PPME1: variants seen among roughly 807,000 people sequenced by gnomAD.
PPME1 encodes testicular secretory protein Li 39.
PPME1 carries 17 observed loss-of-function variants against 56.9 expected under a neutral mutation model. That is an observed-to-expected ratio of 0.30 (90% confidence interval 0.20 to 0.45). The LOEUF (loss-of-function observed/expected upper bound fraction) is 0.45. Among genes scored for constraint, PPME1 ranks in the 20% least tolerant of loss-of-function variants. PPME1 has a pLI of 1.00. For missense variants in PPME1, 357 were observed against 483.2 expected (o/e 0.74, Z 2.45); for synonymous variants, 122 against 156.2 (o/e 0.78, Z 1.63).
intron 2 of PPME1, 27 bp downstream of exon 2, chr11:74,203,848 T>G (rs772149163): frequency 6.7e-7 from 1 of 1,488,792 alleles, no homozygotes; most frequent in African/African-American, 1.4e-5. Context: ...GGCTTATTCT[T>G]TAGTGAGCTT....
intron 1 of PPME1, among the ~76,000 whole-genome samples, chr11:74,185,302 G>A (rs549838961): frequency 2.0e-5 from 3 of 152,182 alleles, no homozygotes; most frequent in African/African-American, 7.2e-5. Context: ...CTGGTCTGAA[G>A]TATGTCTTTT....
intron 3 of PPME1, among the ~76,000 whole-genome samples, chr11:74,217,401 AC>A (rs1257769651): frequency 6.6e-6 from 1 of 151,758 alleles, no homozygotes; most frequent in African/African-American, 2.4e-5. Context: ...AATTAGCCAG[AC>A]ATGGTGGCGC....
At chr11:74,244,038 T>C (rs1049259281) in intron 9 of PPME1, among the ~76,000 whole-genome samples, 1 of 152,230 alleles carries the variant, frequency 6.6e-6, no homozygotes, top group African/African-American at 2.4e-5. Flanking sequence ...TATATGTCTT[T>C]TTGTGACTGG....
Position 74,230,138 on chromosome 11 carries a change from AC to A in PPME1, c.399-106del. ...TTGTAAGATGGCCCAATAGACTTTT[AC>A]AGTTTCCCAGCACTGTTACACACCA... is the stretch of plus-strand genomic sequence containing the variant. On this transcript the variant is annotated intron_variant, in intron 5 of 13. Transcript: ENST00000328257. This position sits in a 1 kb window ranked among gnomAD's most constrained non-coding sequence, Gnocchi z 4.9. 1 of 1,247,140 alleles carries A rather than the reference AC, an allele frequency of 8.0e-7. No individual in the cohort carries two copies. The highest frequency in any genetic ancestry group is 1.5e-5 in the South Asian group (1 of 66,424). The allele number at this position is 1,247,140 out of a possible 1,614,324, so 77.3% of individuals were successfully genotyped here. A position where few individuals can be genotyped will look rare whatever the true frequency, so the allele number is the denominator to read the frequency against.
At chr11:74,192,732 G>A (rs1351726942) in intron 1 of PPME1, among the ~76,000 whole-genome samples, 1 of 152,108 alleles carries the variant, frequency 6.6e-6, no homozygotes, top group African/African-American at 2.4e-5. Flanking sequence ...TTTAAAAAGA[G>A]TGTGGCACCT....
At chr11:74,236,013 G>C (rs759557677) in intron 8 of PPME1, 47 bp downstream of exon 8, 4 of 1,595,170 alleles carry the variant, frequency 2.5e-6, no homozygotes, top group African/African-American at 1.3e-5. Flanking sequence ...CGGAAACATG[G>C]TGAGGGAATT....
At chr11:74,249,664 A>T (rs1316782522) in intron 11 of PPME1, 1 of 152,192 alleles carries the variant, frequency 6.6e-6, no homozygotes, top group East Asian at 1.9e-4. Flanking sequence ...GTTAGGTCTT[A>T]TTAGGGATAT....
chr11:74,246,701 T>C (rs1357444507), intron 10 of PPME1, among the ~76,000 whole-genome samples: 1 of 152,130 alleles, frequency 6.6e-6, no homozygotes. Flanking sequence ...CCTTTTCTCC[T>C]CCCCACACCC....
intron 1 of PPME1, among the ~76,000 whole-genome samples, chr11:74,189,116 G>A (rs1399330041): frequency 6.6e-6 from 1 of 152,162 alleles, no homozygotes; most frequent in East Asian, 1.9e-4. Flanking sequence ...TTGGCCAGGT[G>A]CATTGGCTCA....
At chr11:74,222,865 A>G (rs1858833825) in intron 4 of PPME1, 1 of 151,976 alleles carries the variant, frequency 6.6e-6, no homozygotes, top group Non-Finnish European at 1.5e-5. Flanking sequence ...TTAAAGTTTT[A>G]TGTATAATAT....
At chr11:74,247,382 G>T in intron 11 of PPME1, 1 of 391,376 alleles carries the variant, frequency 2.6e-6, no homozygotes, top group Non-Finnish European at 4.6e-6. Flanking sequence ...AGTTATAAGA[G>T]TTAAAATGAG....
intron 1 of PPME1, among the ~76,000 whole-genome samples, chr11:74,182,182 C>T (rs1403099770): frequency 6.6e-6 from 1 of 152,082 alleles, no homozygotes; most frequent in Non-Finnish European, 1.5e-5. Flanking sequence ...TTAACTGGTG[C>T]AAACTTGACT....
At chr11:74,212,555 A>C (rs1011385006) in intron 3 of PPME1, among the ~76,000 whole-genome samples, 2 of 152,086 alleles carry the variant, frequency 1.3e-5, no homozygotes, top group Non-Finnish European at 2.9e-5. Context: ...CTCTCCCCCA[A>C]CCTCAGGTGG....
chr11:74,225,322 T>C, intron 5 of PPME1, 66 bp downstream of exon 5: 1 of 1,149,294 alleles, frequency 8.7e-7, no homozygotes, highest in Non-Finnish European at 1.2e-6. Context: ...GTACTATAAC[T>C]TTATCACTTT....
At chr11:74,222,242 G>A (rs1858818104) in intron 3 of PPME1, 70 bp from the exon 4 acceptor site, 2 of 1,213,764 alleles carry the variant, frequency 1.6e-6, no homozygotes, top group South Asian at 1.3e-5. Flanking sequence ...ATTTTACAAA[G>A]TTATCATTGG....
At chr11:74,185,308 CTTT>C (rs1251156548) in intron 1 of PPME1, among the ~76,000 whole-genome samples, 1 of 151,976 alleles carries the variant, frequency 6.6e-6, no homozygotes, top group African/African-American at 2.4e-5. Context: ...TGAAGTATGT[CTTT>C]TATTCTAGAT....
At chr11:74,203,152 C>T (rs952238483) in intron 1 of PPME1, among the ~76,000 whole-genome samples, 1 of 152,128 alleles carries the variant, frequency 6.6e-6, no homozygotes, top group Non-Finnish European at 1.5e-5. Flanking sequence ...AGTCATTTCA[C>T]TTCTGTGTGA....
chr11:74,202,777 G>C (rs1372513734), intron 1 of PPME1, among the ~76,000 whole-genome samples: 1 of 152,170 alleles, frequency 6.6e-6, no homozygotes, highest in South Asian at 2.1e-4. Flanking sequence ...AAAATCAAAA[G>C]ATAGTAAGGA....
At chr11:74,212,936 A>G (rs987561918) in intron 3 of PPME1, among the ~76,000 whole-genome samples, 3 of 152,136 alleles carry the variant, frequency 2.0e-5, no homozygotes, top group African/African-American at 4.8e-5. Flanking sequence ...TGTGGTGGCT[A>G]TGAGGAAGGA....
Sources: allele counts gnomAD v4.1 joint callset (sites outside exome capture counted in the v4.1 genomes callset), GRCh38; gene constraint gnomAD v4.1.1; non-coding constraint Gnocchi (gnomAD v3.1); transcripts MANE v1.5; gene names NCBI Gene and HGNC (gene_info 2026-07-23, HGNC 2026-07-21).